Variants in CD300LG observed in about 807,000 individuals in gnomAD.
The protein encoded by CD300LG is CD300 molecule like family member g.
A neutral mutation model predicts 31.5 loss-of-function variants in CD300LG; 29 were observed. The observed-to-expected ratio is 0.92, with a 90% CI of 0.68 to 1.25. The LOEUF (loss-of-function observed/expected upper bound fraction) is 1.25, where lower values mean the gene tolerates loss of function less well. CD300LG is among the 50% of genes most tolerant of loss of function. The probability of loss-of-function intolerance (pLI) is 0.00; values close to 1 mark genes in which losing one functional copy is unlikely to be tolerated. For missense variants in CD300LG, 396 were observed against 417.6 expected (o/e 0.95, Z 0.45); for synonymous variants, 175 against 177.2 (o/e 0.99, Z 0.10).
At chr17:43,855,492 A>G in intron 5 of CD300LG, 173 bp downstream of exon 5, 1 of 460,264 alleles carries the variant, frequency 2.2e-6, no homozygotes. Flanking sequence ...GAGGTAGTCA[A>G]CATTAGGAAA....
intron 2 of CD300LG, chr17:43,849,917 C>T (rs1476216480): frequency 6.6e-6 from 1 of 152,170 alleles, no homozygotes; most frequent in Non-Finnish European, 1.5e-5. Flanking sequence ...GCAGCAGCAT[C>T]GAACCACATT....
At chr17:43,853,759 G>A (rs373769899) in intron 3 of CD300LG, 48 bp from the exon 4 acceptor site, 14 of 1,478,486 alleles carry the variant, frequency 9.5e-6, no homozygotes, top group African/African-American at 8.3e-5. Flanking sequence ...GGGATGCTGG[G>A]ATGCAAGGGT....
intron 6 of CD300LG, chr17:43,858,543 G>A: frequency 1.0e-6 from 1 of 985,442 alleles, no homozygotes; most frequent in Non-Finnish European, 1.2e-6. Context: ...GACAGGAAGG[G>A]GCACAGGGCC....
At position 43,853,974 on chromosome 17, in the gene CD300LG, C is replaced by T; in HGVS notation, c.649C>T (p.Pro217Ser). 1 of 1,614,204 alleles carries T rather than the reference C, an allele frequency of 6.2e-7. No homozygotes were observed. Among genetic ancestry groups the T allele is most frequent in the Non-Finnish European group, 8.5e-7 (1 of 1,180,022 alleles). ...TCCTCCTGCAGGGAGCTCCCGCCCC[C>T]CCATGCAGCTGGACTCCACCTCAGC... is the stretch of plus-strand genomic sequence containing the variant. Reference protein sequence around the residue: ...TSPPAGSSRPPMQLDSTSAED... With the variant: ...TSPPAGSSRPSMQLDSTSAED... Residue 217 changes from proline to serine, a missense_variant, in exon 4 of 7, where the codon CCC becomes TCC. By Grantham distance (74) the Pro-to-Ser change is moderately conservative. Transcript: ENST00000317310.
intron 6 of CD300LG, chr17:43,858,378 C>T (rs2046584014): frequency 6.1e-6 from 6 of 991,336 alleles, no homozygotes; most frequent in Non-Finnish European, 7.2e-6. Context: ...CTCACCCCAC[C>T]TAGCTCCAGA....
chr17:43,857,834 A>G, intron 6 of CD300LG: 1 of 1,537,240 alleles, frequency 6.5e-7, no homozygotes, highest in East Asian at 2.4e-5. Context: ...TCTGAGACCA[A>G]GGTGGTGTGG....
chr17:43,854,227 G>A (rs1234429932), intron 4 of CD300LG, among the ~76,000 whole-genome samples, 183 bp downstream of exon 4: 1 of 152,244 alleles, frequency 6.6e-6, no homozygotes, highest in Non-Finnish European at 1.5e-5. Flanking sequence ...TACTATAGGA[G>A]CCAGCAGCTC....
At chr17:43,852,307 C>A (rs147755910) in intron 2 of CD300LG, among the ~76,000 whole-genome samples, 15 of 152,000 alleles carry the variant, frequency 9.9e-5, no homozygotes, top group Admixed American at 8.5e-4. Flanking sequence ...CTCTCCCTCC[C>A]GGGTTCAAGC....
Position 43,854,039 on chromosome 17 carries a change from G to GCCCAGGTGAGC in CD300LG, c.719+5_719+15dup, listed in dbSNP as rs761768002. 4 of 1,611,538 alleles carry GCCCAGGTGAGC rather than the reference G, an allele frequency of 2.5e-6. No individual in the cohort carries two copies. Among genetic ancestry groups the GCCCAGGTGAGC allele is most frequent in the Non-Finnish European group, 3.4e-6 (4 of 1,177,960 alleles). The stretch of plus-strand genomic sequence containing the variant: ...CAGCTCTCAGCAGTGGCAGCTCTAA[G>GCCCAGGTGAGC]CCCAGGTGAGCCCCAGGTGACCAAC... On this transcript the variant is annotated stop_gained and frameshift_variant, in exon 4 of 7. Transcript: ENST00000317310. LOFTEE classifies it high-confidence loss of function.
In CD300LG at chr17:43,861,972, G is replaced by A. The variant is rs2046664255; in HGVS notation, c.*61G>A. 4.0e-6 allele frequency: 5 copies of A among 1,246,728 alleles called. No individual in the cohort carries two copies. Among genetic ancestry groups the A allele is most frequent in the African/African-American group, 1.5e-5 (1 of 65,266 alleles). 77.2% of individuals were successfully genotyped at this position (1,246,728 alleles called of 1,614,324 possible). A position where few individuals can be genotyped will look rare whatever the true frequency, so the allele number is the denominator to read the frequency against. On this transcript the variant is annotated 3_prime_UTR_variant, in exon 7 of 7. Coordinates refer to ENST00000317310, the MANE Select transcript of CD300LG (RefSeq NM_145273.4). Reference sequence around the variant, plus strand: ...CAGTATGGCTGGCTGGATCAGCACCGATTCCCGAAAGCTTTCCACCTCAGC... The same window carrying A: ...CAGTATGGCTGGCTGGATCAGCACCAATTCCCGAAAGCTTTCCACCTCAGC...
intron 2 of CD300LG, among the ~76,000 whole-genome samples, chr17:43,851,798 G>T (rs1370561087): frequency 6.6e-6 from 1 of 152,024 alleles, no homozygotes; most frequent in East Asian, 1.9e-4. Flanking sequence ...CTTGTGAGCT[G>T]CCTGCCTTGG....
chr17:43,847,356 A>C (rs2046212425), intron 1 of CD300LG, 97 bp downstream of exon 1: 6 of 1,287,150 alleles, frequency 4.7e-6, no homozygotes, highest in Non-Finnish European at 6.5e-6. Flanking sequence ...CACCCCACCT[A>C]TCCTCAGCCT....
chr17:43,854,330 C>A (rs1241058270), intron 4 of CD300LG, among the ~76,000 whole-genome samples: 1 of 152,208 alleles, frequency 6.6e-6, no homozygotes. Context: ...AGTTCTGGGG[C>A]TTTTGCCTGT....
At chr17:43,858,379 TA>T (rs1393377625) in intron 6 of CD300LG, 1 of 990,140 alleles carries the variant, frequency 1.0e-6, no homozygotes, top group African/African-American at 1.7e-5. Context: ...TCACCCCACC[TA>T]GCTCCAGAAG....
intron 1 of CD300LG, among the ~76,000 whole-genome samples, chr17:43,848,017 C>T (rs1316069182): frequency 6.6e-6 from 1 of 152,038 alleles, no homozygotes; most frequent in East Asian, 1.9e-4. Flanking sequence ...CTGAGGCGGA[C>T]GGATCACAAG....
chr17:43,853,939 C>A lies in CD300LG; in HGVS notation c.614C>A (p.Pro205Gln), dbSNP rs772995550. The A allele has an allele frequency of 6.2e-7, 1 of 1,614,150 alleles. No individual in the cohort carries two copies. Among genetic ancestry groups the A allele is most frequent in the South Asian group, 1.1e-5 (1 of 91,080 alleles). ...CAGTACACAGGAACCTCTCCTCACC[C>A]AGCGACCTCTCCTCCTGCAGGGAGC... ...TSQYTGTSPHPATSPPAGSSR... is the reference protein window; with the variant it reads ...TSQYTGTSPHQATSPPAGSSR... The change falls in exon 4 of 7, where the codon CCA becomes CAA. Residue 205 changes from proline (P) to glutamine (Q), a missense_variant. Physicochemically the swap from Pro to Gln is moderately conservative, Grantham distance 76. Transcript: ENST00000317310.
chr17:43,858,689 G>A, intron 6 of CD300LG: 1 of 985,440 alleles, frequency 1.0e-6, no homozygotes, highest in Middle Eastern at 5.2e-4. Flanking sequence ...TATTTCCCTT[G>A]TGGCTTCTCC....
At chr17:43,853,259 C>A (rs1163712337) in intron 3 of CD300LG, among the ~76,000 whole-genome samples, 1 of 152,138 alleles carries the variant, frequency 6.6e-6, no homozygotes. Context: ...ATTCTGTCTG[C>A]GCCATCCAGA....
intron 4 of CD300LG, 119 bp from the exon 5 acceptor site, chr17:43,855,088 C>T (rs1205267971): frequency 5.6e-6 from 1 of 178,700 alleles, no homozygotes; most frequent in African/African-American, 2.5e-5. Context: ...GTCTCTGCTG[C>T]ATTGAATTGG....
Sources: allele counts gnomAD v4.1 joint callset (sites outside exome capture counted in the v4.1 genomes callset), GRCh38; gene constraint gnomAD v4.1.1; transcripts MANE v1.5; gene names NCBI Gene and HGNC (gene_info 2026-07-23, HGNC 2026-07-21).